Variants in ARHGAP44 observed in about 807,000 individuals in gnomAD.
ARHGAP44 encodes the protein rho GTPase-activating protein 44.
A neutral mutation model predicts 106.8 loss-of-function variants in ARHGAP44; 43 were observed. The observed-to-expected ratio is 0.40, with a 90% CI of 0.32 to 0.52. ARHGAP44 has a LOEUF of 0.52. Among genes scored for constraint, ARHGAP44 ranks in the 20% least tolerant of loss-of-function variants. The pLI is 0.48. For synonymous variants in ARHGAP44, 439 were observed against 410.3 expected, an observed-to-expected ratio of 1.07 and a Z score of -0.85; for missense variants, 866 against 1,050.5, an observed-to-expected ratio of 0.82 and a Z score of 2.43.
At chr17:12,946,033 A>G (rs530635594) in intron 10 of ARHGAP44, among the ~76,000 whole-genome samples, 25 of 152,330 alleles carry the variant, frequency 1.6e-4, no homozygotes, top group African/African-American at 6.0e-4. Context: ...TGCTGAGATT[A>G]TAGGCGTGAG....
chr17:12,949,389 G>A lies in ARHGAP44; in HGVS notation c.973+138G>A. The A allele has an allele frequency of 1.0e-6, 1 of 981,694 alleles. No homozygotes were observed. The highest frequency in any genetic ancestry group is 1.5e-6 in the Non-Finnish European group (1 of 666,066). 60.8% of individuals were successfully genotyped at this position (981,694 alleles called of 1,614,324 possible). A position where few individuals can be genotyped will look rare whatever the true frequency, so the allele number is the denominator to read the frequency against. ...TTCAGATGTGTCCACTCAGTGCCCA[G>A]TTTCAGGGCTGGGTGCTCTGGCCCC... On this transcript the variant is annotated intron_variant, in intron 11 of 20. Coordinates refer to ENST00000379672, the MANE Select transcript of ARHGAP44 (RefSeq NM_014859.6). The surrounding 1 kb of genome is among the most constrained non-coding windows in gnomAD (Gnocchi z 4.1).
At position 12,984,525 on chromosome 17, in the gene ARHGAP44, T is replaced by C. The variant is rs2039909378; in HGVS notation, c.1940-6T>C. On this transcript the variant is annotated splice_polypyrimidine_tract_variant and splice_region_variant and intron_variant, in intron 19 of 20. Coordinates refer to ENST00000379672, the MANE Select transcript of ARHGAP44 (RefSeq NM_014859.6). ...TTTTGTTGTTGTGTTGTGTTTTCTC[T>C]TTCAGTTTCAAAGAAGCTGGCACCG... 6.6e-7 allele frequency: 1 copy of C among 1,513,372 alleles called. No individual in the cohort carries two copies. 93.7% of individuals were successfully genotyped at this position (1,513,372 alleles called of 1,614,324 possible). A position where few individuals can be genotyped will look rare whatever the true frequency, so the allele number is the denominator to read the frequency against.
chr17:12,833,792 G>A (rs924212397), intron 1 of ARHGAP44, among the ~76,000 whole-genome samples: 1 of 152,164 alleles, frequency 6.6e-6, no homozygotes, highest in Non-Finnish European at 1.5e-5. Flanking sequence ...GCGCTTCCAC[G>A]CCATAGGTGG....
At position 12,949,364 on chromosome 17, in the gene ARHGAP44, T is replaced by C; in HGVS notation, c.973+113T>C. The C allele has an allele frequency of 8.6e-7, 1 of 1,164,330 alleles. No homozygotes were observed. Among genetic ancestry groups the C allele is most frequent in the South Asian group, 1.4e-5 (1 of 71,496 alleles). 72.1% of individuals were successfully genotyped at this position (1,164,330 alleles called of 1,614,324 possible). A position where few individuals can be genotyped will look rare whatever the true frequency, so the allele number is the denominator to read the frequency against. ...TCAAGTCAGTGGCTGCCCAAAGCAC[T>C]TCAGATGTGTCCACTCAGTGCCCAG... On this transcript the variant is annotated intron_variant, in intron 11 of 20. Coordinates refer to ENST00000379672, the MANE Select transcript of ARHGAP44 (RefSeq NM_014859.6). This position sits in a 1 kb window ranked among gnomAD's most constrained non-coding sequence, Gnocchi z 4.1.
chr17:12,811,701 A>G (rs2034446700), intron 1 of ARHGAP44, among the ~76,000 whole-genome samples: 1 of 152,084 alleles, frequency 6.6e-6, no homozygotes, highest in Admixed American at 6.6e-5. Context: ...GAATTTTAGG[A>G]CACCCAGTTG....
chr17:12,868,915 C>T (rs977835438), intron 1 of ARHGAP44, among the ~76,000 whole-genome samples: 3 of 151,584 alleles, frequency 2.0e-5, no homozygotes, highest in African/African-American at 7.3e-5. Context: ...CTTGGCCTCC[C>T]AAAGGCTGGG....
intron 1 of ARHGAP44, among the ~76,000 whole-genome samples, chr17:12,836,709 T>C (rs950559608): frequency 2.0e-5 from 3 of 151,762 alleles, no homozygotes; most frequent in Non-Finnish European, 4.4e-5. Flanking sequence ...AAAGACTCAG[T>C]TTATCAGAAA....
chr17:12,851,828 G>C (rs1361614801), intron 1 of ARHGAP44, among the ~76,000 whole-genome samples: 1 of 152,050 alleles, frequency 6.6e-6, no homozygotes, highest in South Asian at 2.1e-4. Flanking sequence ...GAACGCTTTT[G>C]TGTTCATCTC....
intron 1 of ARHGAP44, among the ~76,000 whole-genome samples, chr17:12,871,520 G>A (rs896878398): frequency 6.6e-5 from 10 of 152,088 alleles, no homozygotes; most frequent in African/African-American, 2.4e-4. Flanking sequence ...AGCCAGAGCA[G>A]GAGGAAGAGA....
chr17:12,876,856 AC>A (rs1486285514), intron 1 of ARHGAP44, among the ~76,000 whole-genome samples: 2 of 146,442 alleles, frequency 1.4e-5, no homozygotes, highest in African/African-American at 5.1e-5. Flanking sequence ...GGTTTTAGTG[AC>A]CCGAGACTGT....
At chr17:12,921,823 C>G (rs1258233996) in intron 6 of ARHGAP44, among the ~76,000 whole-genome samples, 1 of 152,094 alleles carries the variant, frequency 6.6e-6, no homozygotes, top group Non-Finnish European at 1.5e-5. Flanking sequence ...TATCACTTCC[C>G]AAGTGCTTTA....
chr17:12,917,700 G>A (rs530074922), intron 5 of ARHGAP44, among the ~76,000 whole-genome samples: 5 of 152,050 alleles, frequency 3.3e-5, no homozygotes, highest in Admixed American at 1.3e-4. Context: ...ATTAACCCTC[G>A]CAGACTCCCT....
intron 1 of ARHGAP44, among the ~76,000 whole-genome samples, chr17:12,841,637 C>CAAAAAAAA (rs140882682): frequency 8.8e-5 from 9 of 101,698 alleles, no homozygotes; most frequent in African/African-American, 3.0e-4. Flanking sequence ...CACACACACA[C>CAAAAAAAA]ACAAACAAAC....
chr17:12,869,920 C>T (rs1274668099), intron 1 of ARHGAP44, among the ~76,000 whole-genome samples: 2 of 151,806 alleles, frequency 1.3e-5, no homozygotes, highest in South Asian at 2.1e-4. Context: ...TTAAATAACC[C>T]CCATTATATT....
At chr17:12,919,721 G>A in intron 5 of ARHGAP44, 34 bp from the exon 6 acceptor site, 1 of 1,581,500 alleles carries the variant, frequency 6.3e-7, no homozygotes. Flanking sequence ...TTGAGCTTCA[G>A]TTTAATTGTA....
intron 6 of ARHGAP44, among the ~76,000 whole-genome samples, chr17:12,926,537 ATATAT>A (rs957879386): frequency 7.2e-6 from 1 of 138,658 alleles, no homozygotes; most frequent in African/African-American, 2.5e-5. Flanking sequence ...ATACATACAT[ATATAT>A]TATATATATA....
chr17:12,989,359 C>CA (rs2040051561), intron 20 of ARHGAP44, among the ~76,000 whole-genome samples: 1 of 152,146 alleles, frequency 6.6e-6, no homozygotes, highest in Non-Finnish European at 1.5e-5. Flanking sequence ...TTTGCCGACT[C>CA]AGAGACGTCC....
rs753223722 is a variant in ARHGAP44, at chr17:12,990,120, A to G, written c.2406A>G (p.Ser802=). The G allele has an allele frequency of 6.2e-6, 10 of 1,613,382 alleles. No individual in the cohort carries two copies. In the Admixed American group the frequency reaches 8.3e-5, roughly 13 times the overall value. ...CCCTGGAGCACATGCGGCGACACTC[A>G]GTAACTGACAAGAGGGACTCGGAGG... ...LSPLEHMRRH[S]VTDKRDSEEE... is the part of the protein sequence containing the mutation. Residue 802 remains serine, a synonymous_variant, in exon 21 of 21, where the codon TCA becomes TCG. Transcript: ENST00000379672.
At chr17:12,950,318 T>C (rs1343270653) in intron 12 of ARHGAP44, among the ~76,000 whole-genome samples, 1 of 152,072 alleles carries the variant, frequency 6.6e-6, no homozygotes, top group African/African-American at 2.4e-5. Flanking sequence ...AATAATGAAC[T>C]TAAAGGGAGG....
Sources: allele counts gnomAD v4.1 joint callset (sites outside exome capture counted in the v4.1 genomes callset), GRCh38; gene constraint gnomAD v4.1.1; non-coding constraint Gnocchi (gnomAD v3.1); transcripts MANE v1.5; gene names NCBI Gene and HGNC (gene_info 2026-07-23, HGNC 2026-07-21).